MRM1: variants seen among roughly 807,000 people sequenced by gnomAD.
MRM1 encodes the protein rRNA methyltransferase 1, mitochondrial.
Under a neutral mutation model 25.0 loss-of-function variants are expected in MRM1, and 24 were observed. That is an observed-to-expected ratio of 0.96 (90% CI 0.69 to 1.35). The LOEUF is 1.35. Ranked by LOEUF, MRM1 falls within the 40% of genes most tolerant of loss-of-function variation. MRM1 has a pLI of 0.00. For synonymous variants in MRM1, 188 were observed against 199.2 expected (o/e 0.94, Z 0.47); for missense variants, 431 against 464.1 (o/e 0.93, Z 0.65).
chr17:36,610,262 TC>T (rs2074968029), downstream of MRM1, among the ~76,000 whole-genome samples: 1 of 148,652 alleles, frequency 6.7e-6, no homozygotes, highest in Non-Finnish European at 1.5e-5. Flanking sequence ...AGACGGAGTC[TC>T]GCTCTGTTGC....
the MRM1 span, among the ~76,000 whole-genome samples, chr17:36,632,526 T>G: frequency 6.6e-6 from 1 of 152,106 alleles, no homozygotes; most frequent in Non-Finnish European, 1.5e-5. Flanking sequence ...TGGGATAATC[T>G]GTGTCAGGTG....
downstream of MRM1, among the ~76,000 whole-genome samples, chr17:36,609,989 G>C (rs2074965719): frequency 6.6e-6 from 1 of 152,098 alleles, no homozygotes; most frequent in Admixed American, 6.5e-5. Flanking sequence ...GCAGTGGCGC[G>C]ATCTTGGCTC....
downstream of MRM1, among the ~76,000 whole-genome samples, chr17:36,609,964 C>T (rs1368622553): frequency 2.6e-5 from 4 of 152,114 alleles, no homozygotes; most frequent in Middle Eastern, 3.4e-3. Context: ...CTCACTCTGT[C>T]GCTCAGGCTG....
At chr17:36,622,570 T>C in the MRM1 span, among the ~76,000 whole-genome samples, 1 of 131,218 alleles carries the variant, frequency 7.6e-6, no homozygotes. Flanking sequence ...AGACTCCGTC[T>C]CAAAAAAAAA....
At chr17:36,624,249 G>A in the MRM1 span, among the ~76,000 whole-genome samples, 1 of 152,160 alleles carries the variant, frequency 6.6e-6, no homozygotes, top group Non-Finnish European at 1.5e-5. This position sits in a 1 kb window ranked among gnomAD's most constrained non-coding sequence, Gnocchi z 4.0. Context: ...GGTATGACCA[G>A]CTGACGGGGG....
chr17:36,623,140 C>T, the MRM1 span, among the ~76,000 whole-genome samples: 11 of 152,200 alleles, frequency 7.2e-5, no homozygotes, highest in Non-Finnish European at 1.5e-4. Flanking sequence ...GAGTTCATGG[C>T]TGTGCATGTG....
chr17:36,605,153 AAG>A (rs35548352), intron 2 of MRM1, among the ~76,000 whole-genome samples: 20,460 of 144,972 alleles, frequency 0.14, 2,379 homozygotes, highest in African/African-American at 0.32. Flanking sequence ...AAAAAAAAAA[AAG>A]AGAGAGAGAG....
At chr17:36,633,124 T>C in the MRM1 span, among the ~76,000 whole-genome samples, 1 of 152,218 alleles carries the variant, frequency 6.6e-6, no homozygotes, top group Admixed American at 6.5e-5. Context: ...GCTTGCCTCC[T>C]TTCTCCTTCA....
chr17:36,612,807 C>G (rs1055285830), downstream of MRM1, among the ~76,000 whole-genome samples: 1 of 152,178 alleles, frequency 6.6e-6, no homozygotes, highest in Non-Finnish European at 1.5e-5. Flanking sequence ...AGAGGTCATA[C>G]ATGTAAAACC....
At chr17:36,607,864 TGG>T in intron 3 of MRM1, 33 bp from the exon 4 acceptor site, 1 of 1,611,544 alleles carries the variant, frequency 6.2e-7, no homozygotes, top group South Asian at 1.1e-5. Context: ...GGTGTCCAGC[TGG>T]GCAACCCTAA....
chr17:36,607,364 T>C (rs1027290121), intron 2 of MRM1, among the ~76,000 whole-genome samples: 1 of 151,956 alleles, frequency 6.6e-6, no homozygotes, highest in Non-Finnish European at 1.5e-5. Context: ...CTGACGCTTG[T>C]AATCCTAGCA....
the MRM1 span, among the ~76,000 whole-genome samples, chr17:36,616,629 G>A: frequency 2.6e-5 from 4 of 152,238 alleles, no homozygotes; most frequent in Non-Finnish European, 5.9e-5. Flanking sequence ...CTTGGAACAG[G>A]AGGAGGAGTG....
the MRM1 span, among the ~76,000 whole-genome samples, chr17:36,614,175 G>A: frequency 6.6e-6 from 1 of 152,208 alleles, no homozygotes; most frequent in East Asian, 1.9e-4. Context: ...CTGCTCTCTG[G>A]GGGGAAGGGC....
At chr17:36,615,654 C>T in the MRM1 span, among the ~76,000 whole-genome samples, 2 of 144,748 alleles carry the variant, frequency 1.4e-5, no homozygotes. Flanking sequence ...AGCAAAACTC[C>T]GTCTCAAAAA....
Position 36,608,508 on chromosome 17 carries a change from T to G in MRM1, c.*93T>G. On this transcript the variant is annotated 3_prime_UTR_variant, in exon 5 of 5. Transcript: ENST00000614766. ...TGTGCGGGGAGCCTCTGCCTGAGTG[T>G]GCACCAGGCCCATGTTTATTGACCA... 1 of 611,580 alleles carries G rather than the reference T, an allele frequency of 1.6e-6. No homozygotes were observed. Among genetic ancestry groups the G allele is most frequent in the Non-Finnish European group, 2.4e-6 (1 of 422,864 alleles). The allele number at this position is 611,580 out of a possible 1,614,324, so 37.9% of individuals were successfully genotyped here.
chr17:36,632,642 CATTG>C, the MRM1 span, among the ~76,000 whole-genome samples: 2 of 152,104 alleles, frequency 1.3e-5, no homozygotes, highest in African/African-American at 4.8e-5. Context: ...TTTCTCAGCT[CATTG>C]ATTGATTGAT....
rs374776458 is a variant in MRM1 at position 36,608,833 on chromosome 17, A to T, written c.*418A>T. 5.1e-4 allele frequency: 89 copies of T among 173,464 alleles called. No homozygotes were observed. The highest frequency in any genetic ancestry group is 2.0e-3 in the African/African-American group (86 of 42,490). 10.7% of individuals were successfully genotyped at this position (173,464 alleles called of 1,614,324 possible). A position where few individuals can be genotyped will look rare whatever the true frequency, so the allele number is the denominator to read the frequency against. ...AGGGCGGGGCCCTGATGTGGAGTAG[A>T]CAGTGCGCACCTCAGGCCCACACAC... On this transcript the variant is annotated 3_prime_UTR_variant, in exon 5 of 5. Transcript: ENST00000614766.
chr17:36,601,620 G>C lies in MRM1; in HGVS notation c.-191G>C. The C allele has an allele frequency of 1.9e-6, 1 of 521,646 alleles. No homozygotes were observed. Among genetic ancestry groups the C allele is most frequent in the Non-Finnish European group, 3.2e-6 (1 of 315,596 alleles). The allele number at this position is 521,646 out of a possible 1,614,324, so 32.3% of individuals were successfully genotyped here. A position where few individuals can be genotyped will look rare whatever the true frequency, so the allele number is the denominator to read the frequency against. On this transcript the variant is annotated 5_prime_UTR_variant, in exon 1 of 5. Coordinates refer to ENST00000614766, the MANE Select transcript of MRM1 (RefSeq NM_024864.5). ...GAGGGACCCACGTGGGAGCCTGGGA[G>C]CGGGTGGTCGTAGCTCGGTAGTCCA...
Position 36,607,961 on chromosome 17 carries a change from C to G in MRM1, c.832C>G (p.Leu278Val). ...CTCCTGCCAGCTTCTCCTCACCATC[C>G]TGCCCCGGCGCCAGCTGCCTCCTGG... ...QASCQLLLTILPRRQLPPGLE... is the reference protein window; with the variant it reads ...QASCQLLLTIVPRRQLPPGLE... The change falls in exon 4 of 5, where the codon CTG (leucine) becomes GTG (valine). Residue 278 changes from leucine to valine, a missense_variant. Leu to Val is a conservative substitution (Grantham distance 32). Transcript: ENST00000614766. The G allele has an allele frequency of 6.2e-7, 1 of 1,614,180 alleles. No homozygotes were observed. The highest frequency in any genetic ancestry group is 8.5e-7 in the Non-Finnish European group (1 of 1,180,040).
Sources: gnomAD v4.1 joint callset for allele counts (sites outside exome capture counted in the v4.1 genomes callset) on GRCh38, gnomAD v4.1.1 for gene constraint, Gnocchi (gnomAD v3.1) non-coding constraint, MANE v1.5 for transcripts, NCBI Gene and HGNC (gene_info 2026-07-23, HGNC 2026-07-21) for gene names.